The following ESF1 variants were observed in gnomAD, a reference collection of about 807,000 sequenced individuals.
ESF1 encodes ESF1 homolog.
ESF1 carries 58 observed loss-of-function variants against 92.0 expected under a neutral mutation model. The ratio of observed to expected loss-of-function variants is 0.63; its 90% CI spans 0.51 to 0.78. The LOEUF is 0.78. ESF1 is among the 30% of genes least tolerant of loss of function. The pLI, the probability that ESF1 is intolerant of heterozygous loss-of-function variation, is 0.00. For missense variants in ESF1, 922 were observed against 989.1 expected (o/e 0.93, Z 0.91); for synonymous variants, 321 against 313.7 (o/e 1.02, Z -0.24).
chr20:13,783,079 C>G lies in ESF1; in HGVS notation c.62G>C (p.Arg21Thr), dbSNP rs906576272. ...ATCCTTTTCTGGCATTTCCCAAAAT[C>G]TCGGGTCCTTTGCAACCCGTCTAAA... ...QRFRRVAKDP[R>T]FWEMPEKDRK... The change falls in exon 2 of 14, where the codon AGA becomes ACA. Residue 21 changes from arginine to threonine, a missense_variant. Arg to Thr is a moderately conservative substitution (Grantham distance 71). Coordinates refer to ENST00000617257, the MANE Select transcript of ESF1 (RefSeq NM_001276380.2). 6.2e-7 allele frequency: 1 copy of G among 1,613,822 alleles called. No homozygotes were observed. Among genetic ancestry groups the G allele is most frequent in the Non-Finnish European group, 8.5e-7 (1 of 1,180,004 alleles).
At chr20:13,775,323 T>G in intron 3 of ESF1, 53 bp from the exon 4 acceptor site, 2 of 1,182,638 alleles carry the variant, frequency 1.7e-6, no homozygotes, top group Non-Finnish European at 2.4e-6. Flanking sequence ...TCTCAATACT[T>G]GAAAAATAAA....
At chr20:13,773,464 T>C (rs1954650336) in intron 4 of ESF1, among the ~76,000 whole-genome samples, 1 of 152,084 alleles carries the variant, frequency 6.6e-6, no homozygotes, top group African/African-American at 2.4e-5. Context: ...AAATTGTTTC[T>C]TTGGCTTGAC....
intron 11 of ESF1, among the ~76,000 whole-genome samples, chr20:13,721,845 C>A (rs1228635979): frequency 6.6e-6 from 1 of 152,144 alleles, no homozygotes; most frequent in East Asian, 1.9e-4. Flanking sequence ...CATCACTGGT[C>A]CTATCTGAAA....
intron 8 of ESF1, 81 bp from the exon 9 acceptor site, chr20:13,759,934 A>G: frequency 3.4e-6 from 5 of 1,472,154 alleles, no homozygotes; most frequent in Non-Finnish European, 4.5e-6. Context: ...ACTCTCTTTT[A>G]AAAGATGCTG....
At chr20:13,775,742 A>G (rs1401257447) in intron 3 of ESF1, 131 bp downstream of exon 3, 1 of 1,089,942 alleles carries the variant, frequency 9.2e-7, no homozygotes, top group Non-Finnish European at 1.2e-6. Context: ...TTCCATATCA[A>G]ATTTTAATCA....
chr20:13,719,264 A>G (rs190877287), intron 11 of ESF1, among the ~76,000 whole-genome samples: 114 of 152,278 alleles, frequency 7.5e-4, no homozygotes, highest in Admixed American at 2.7e-3. Flanking sequence ...ACCATAGATC[A>G]TTTCCACAGA....
chr20:13,716,487 T>C lies in ESF1; in HGVS notation c.2262+881A>G, dbSNP rs114016162. 4.5e-3 allele frequency among the ~76,000 whole-genome samples: 683 copies of C among 152,212 alleles called. 12 individuals are homozygous for C. The highest frequency in any genetic ancestry group is 0.016 in the African/African-American group (647 of 41,536). ...TAAAAACTACACATTTTTGGTACAA[T>C]ATGGCTACCAAAATACAAGTCAACT... On this transcript the variant is annotated intron_variant, in intron 13 of 13. Transcript: ENST00000617257.
Position 13,783,154 on chromosome 20 carries a change from T to C in ESF1, c.-14A>G. ...TTTGGATGACATTTTTAATTCTTAA[T>C]CTCGACCAAATGCTTGAAGAAAACA... is the stretch of plus-strand genomic sequence containing the variant. On this transcript the variant is annotated 5_prime_UTR_variant, in exon 2 of 14. Transcript: ENST00000617257. 1 of 1,587,058 alleles carries C rather than the reference T, an allele frequency of 6.3e-7. No homozygotes were observed. The highest frequency in any genetic ancestry group is 8.6e-7 in the Non-Finnish European group (1 of 1,164,344).
At chr20:13,750,313 TG>T (rs1978572152) in intron 9 of ESF1, among the ~76,000 whole-genome samples, 1 of 152,174 alleles carries the variant, frequency 6.6e-6, no homozygotes, top group Non-Finnish European at 1.5e-5. Context: ...GAGACCAGCC[TG>T]GCTAACATGG....
chr20:13,770,731 C>T (rs1979645791), intron 6 of ESF1, among the ~76,000 whole-genome samples: 1 of 152,170 alleles, frequency 6.6e-6, no homozygotes, highest in African/African-American at 2.4e-5. Flanking sequence ...TGAGGTGTCA[C>T]TGAAAACAAG....
chr20:13,777,122 T>G (rs561183554), intron 2 of ESF1, among the ~76,000 whole-genome samples: 15 of 152,172 alleles, frequency 9.9e-5, no homozygotes, highest in African/African-American at 3.6e-4. Context: ...CTTGGGAAAG[T>G]AAAGAACAGA....
Position 13,764,309 on chromosome 20 carries a change from A to G in ESF1, c.1666+2468T>C, listed in dbSNP as rs368260686. Reference sequence around the variant, plus strand: ...GAAGATGTGAAGGTATTAGGCAGACAGTATCAACCAAAAGTTGACATGAAA... The same window carrying G: ...GAAGATGTGAAGGTATTAGGCAGACGGTATCAACCAAAAGTTGACATGAAA... On this transcript the variant is annotated intron_variant, in intron 8 of 13. Coordinates refer to ENST00000617257, the MANE Select transcript of ESF1 (RefSeq NM_001276380.2). Among the ~76,000 whole-genome samples, 13 of 152,254 alleles carry G rather than the reference A, an allele frequency of 8.5e-5. No homozygotes were observed. The East Asian group carries it at 1.2e-3, about 14-fold the overall frequency.
intron 8 of ESF1, among the ~76,000 whole-genome samples, chr20:13,763,418 T>C (rs1979294410): frequency 6.6e-6 from 1 of 152,250 alleles, no homozygotes; most frequent in East Asian, 1.9e-4. Flanking sequence ...AAAAATGTCA[T>C]TTTAAAATTT....
intron 11 of ESF1, among the ~76,000 whole-genome samples, chr20:13,727,512 C>G (rs1015470714): frequency 6.6e-6 from 1 of 152,152 alleles, no homozygotes; most frequent in South Asian, 2.1e-4. Context: ...ACAATGCCAG[C>G]GTGGAGTTGC....
At chr20:13,751,984 T>G (rs6079162) in intron 9 of ESF1, among the ~76,000 whole-genome samples, 111,242 of 151,896 alleles carry the variant, frequency 0.73, 41,099 homozygotes, top group East Asian at 0.9. Context: ...GACAGAAGAA[T>G]GTCTCAAAAT....
At chr20:13,768,897 C>CAA (rs574502122) in intron 7 of ESF1, among the ~76,000 whole-genome samples, 4,357 of 58,898 alleles carry the variant, frequency 0.074, 161 homozygotes, top group African/African-American at 0.1. Flanking sequence ...ACTCTAGTCT[C>CAA]AAAAAAAAAA....
At position 13,772,546 on chromosome 20, in the gene ESF1, T is replaced by G. The variant is rs779805961; in HGVS notation, c.1219A>C (p.Ser407Arg). The change falls in exon 5 of 14, where the codon AGT (serine) becomes CGT (arginine). Residue 407 changes from serine to arginine, a missense_variant. Coordinates refer to ENST00000617257, the MANE Select transcript of ESF1 (RefSeq NM_001276380.2). Reference sequence around the variant, plus strand: ...TTTTCTGGGGCATCTTCAGGAATACTTAATAGCTCTACTGGTCCTTGAACT... The same window carrying G: ...TTTTCTGGGGCATCTTCAGGAATACGTAATAGCTCTACTGGTCCTTGAACT... Reference protein sequence around the residue: ...EQVQGPVELLSIPEDAPEKDW... With the variant: ...EQVQGPVELLRIPEDAPEKDW... The G allele has an allele frequency of 1.2e-6, 2 of 1,612,896 alleles. No individual in the cohort carries two copies. The highest frequency in any genetic ancestry group is 1.7e-6 in the Non-Finnish European group (2 of 1,179,384).
intron 13 of ESF1, 24 bp from the exon 14 acceptor site, chr20:13,715,191 AT>A: frequency 6.9e-7 from 1 of 1,450,768 alleles, no homozygotes; most frequent in South Asian, 1.6e-5. Flanking sequence ...AAAAAAAAAA[AT>A]TAATAAATTA....
At chr20:13,730,619 T>C (rs185362193) in intron 10 of ESF1, among the ~76,000 whole-genome samples, 167 of 149,118 alleles carry the variant, frequency 1.1e-3, no homozygotes, top group Non-Finnish European at 1.5e-3. Context: ...CTCCTGACCT[T>C]GTGATCCGCC....
Sources: gnomAD v4.1 joint callset for allele counts (sites outside exome capture counted in the v4.1 genomes callset) on GRCh38, gnomAD v4.1.1 for gene constraint, MANE v1.5 for transcripts, NCBI Gene and HGNC (gene_info 2026-07-23, HGNC 2026-07-21) for gene names.